The following FRA10AC1 variants were observed in gnomAD, a reference collection of about 807,000 sequenced individuals.
FRA10AC1 encodes protein FRA10AC1.
Under a neutral mutation model 56.5 loss-of-function variants are expected in FRA10AC1, and 43 were observed. The observed-to-expected ratio is 0.76, with a 90% CI of 0.60 to 0.98. FRA10AC1 has a LOEUF of 0.98. Ranked by LOEUF, FRA10AC1 falls within the 50% of genes least tolerant of loss-of-function variation. The pLI, the probability that FRA10AC1 is intolerant of heterozygous loss-of-function variation, is 0.00. For synonymous variants in FRA10AC1, 112 were observed against 110.5 expected, an observed-to-expected ratio of 1.01 and a Z score of -0.09; for missense variants, 346 against 351.8, an observed-to-expected ratio of 0.98 and a Z score of 0.13.
intron 4 of FRA10AC1, among the ~76,000 whole-genome samples, chr10:93,695,557 C>G (rs1204396776): frequency 1.3e-5 from 2 of 151,914 alleles, no homozygotes; most frequent in Non-Finnish European, 2.9e-5. Context: ...TTTTAAAAAG[C>G]TCAACAGCAC....
At chr10:93,680,512 T>C (rs1291371208) in intron 11 of FRA10AC1, among the ~76,000 whole-genome samples, 2 of 152,176 alleles carry the variant, frequency 1.3e-5, no homozygotes, top group African/African-American at 4.8e-5. Context: ...AGATTTAAAC[T>C]CTGCTACATA....
chr10:93,695,089 C>T (rs938294770), intron 4 of FRA10AC1, 152 bp from the exon 5 acceptor site: 1 of 535,476 alleles, frequency 1.9e-6, no homozygotes, highest in Non-Finnish European at 3.3e-6. Context: ...TTCAGAAAAT[C>T]TAGAAGGGTA....
upstream of FRA10AC1, chr10:93,702,683 G>C (rs2059365248): frequency 1.7e-5 from 4 of 229,958 alleles, no homozygotes; most frequent in South Asian, 1.9e-4. Flanking sequence ...CGGGAAACAA[G>C]GGCAGCGGGA....
chr10:93,701,647 T>C (rs1189480155), intron 1 of FRA10AC1, among the ~76,000 whole-genome samples: 1 of 152,082 alleles, frequency 6.6e-6, no homozygotes, highest in Non-Finnish European at 1.5e-5. Context: ...AACTCTACCC[T>C]CCCTTACATC....
At chr10:93,691,123 T>C (rs529756400) in intron 7 of FRA10AC1, among the ~76,000 whole-genome samples, 1 of 152,188 alleles carries the variant, frequency 6.6e-6, no homozygotes, top group African/African-American at 2.4e-5. Context: ...CATTTCTAAC[T>C]GAGATCTGCT....
intron 8 of FRA10AC1, among the ~76,000 whole-genome samples, chr10:93,687,192 G>A (rs1484247205): frequency 6.6e-6 from 1 of 151,740 alleles, no homozygotes; most frequent in Admixed American, 6.6e-5. Flanking sequence ...ACATTCAACT[G>A]AATGTTCTAA....
chr10:93,690,690 T>C (rs144404523), intron 7 of FRA10AC1, among the ~76,000 whole-genome samples: 1 of 152,312 alleles, frequency 6.6e-6, no homozygotes, highest in Admixed American at 6.5e-5. Context: ...CTTTGTTACA[T>C]GCTCCTAGAA....
At chr10:93,680,421 T>A (rs1269776973) in intron 11 of FRA10AC1, among the ~76,000 whole-genome samples, 1 of 152,168 alleles carries the variant, frequency 6.6e-6, no homozygotes, top group East Asian at 1.9e-4. Context: ...CCTCTCACCA[T>A]CTATCAATTT....
At position 93,702,560 on chromosome 10, in the gene FRA10AC1, T is replaced by G. The variant is rs2059362670; in HGVS notation, c.-186A>C. 4 of 209,804 alleles carry G rather than the reference T, an allele frequency of 1.9e-5. 1 individual carries two copies. The highest frequency in any genetic ancestry group is 1.9e-5 in the Non-Finnish European group (2 of 107,912). 13.0% of individuals were successfully genotyped at this position (209,804 alleles called of 1,614,324 possible). ...CCGCCGCCGCCGCCCGCAACCCGCC[T>G]CTCCCTACGGGTCCCGACTGGGCAC... is the stretch of plus-strand genomic sequence containing the variant. On this transcript the variant is annotated 5_prime_UTR_variant, in exon 1 of 14. Transcript: ENST00000359204.
chr10:93,685,783 A>G (rs553432703), intron 8 of FRA10AC1, among the ~76,000 whole-genome samples: 8 of 151,990 alleles, frequency 5.3e-5, no homozygotes, highest in Middle Eastern at 6.8e-3. Flanking sequence ...TAGCTGGGTG[A>G]AACCTTTCAA....
At position 93,687,537 on chromosome 10, in the gene FRA10AC1, C is replaced by A. The variant is rs1718159448; in HGVS notation, c.466-88G>T. 4 of 1,210,676 alleles carry A rather than the reference C, an allele frequency of 3.3e-6. No individual in the cohort carries two copies. In the Admixed American group the frequency reaches 1.2e-4, roughly 38 times the overall value. The allele number at this position is 1,210,676 out of a possible 1,614,324, so 75.0% of individuals were successfully genotyped here. A position where few individuals can be genotyped will look rare whatever the true frequency, so the allele number is the denominator to read the frequency against. On this transcript the variant is annotated intron_variant, in intron 7 of 13. Coordinates refer to ENST00000359204, the MANE Select transcript of FRA10AC1 (RefSeq NM_145246.5). ...GGAGCCAACAATGACATTCACCAAC[C>A]TAAAAAATAAATGTAATTCCCATCA...
At chr10:93,675,661 C>T (rs755960191) in intron 12 of FRA10AC1, 11 of 371,376 alleles carry the variant, frequency 3.0e-5, no homozygotes, top group Admixed American at 5.3e-5. Context: ...GCTGAGATCG[C>T]GCCACTGCAC....
intron 4 of FRA10AC1, 48 bp from the exon 5 acceptor site, chr10:93,694,985 T>C (rs1205530641): frequency 7.2e-6 from 7 of 971,936 alleles, no homozygotes; most frequent in Non-Finnish European, 1.1e-5. Context: ...AGCTGTTTGG[T>C]GTCATAATAT....
intron 12 of FRA10AC1, among the ~76,000 whole-genome samples, chr10:93,675,879 G>A (rs369380580): frequency 6.6e-6 from 1 of 152,116 alleles, no homozygotes; most frequent in Non-Finnish European, 1.5e-5. Flanking sequence ...TTACTGTTTA[G>A]ATTCAAAGCT....
chr10:93,698,224 T>G, intron 3 of FRA10AC1, 43 bp from the exon 4 acceptor site: 1 of 1,516,708 alleles, frequency 6.6e-7, no homozygotes, highest in Non-Finnish European at 9.1e-7. Context: ...AATGTTTATA[T>G]TCAAATTAAC....
intron 8 of FRA10AC1, 154 bp from the exon 9 acceptor site, chr10:93,685,513 A>C (rs2059011646): frequency 6.2e-6 from 3 of 484,572 alleles, no homozygotes; most frequent in Non-Finnish European, 1.1e-5. Flanking sequence ...ACCAACTTGT[A>C]TACAAGTATC....
rs60832838 is a variant in FRA10AC1, at chr10:93,702,522, A to ACCACCACCACCGCCGCCG, written c.-149_-148insCGGCGGCGGTGGTGGTGG. 3.7e-5 allele frequency: 8 copies of ACCACCACCACCGCCGCCG among 215,918 alleles called. No individual in the cohort carries two copies. Among genetic ancestry groups the ACCACCACCACCGCCGCCG allele is most frequent in the Admixed American group, 5.9e-5 (1 of 16,958 alleles). 13.4% of individuals were successfully genotyped at this position (215,918 alleles called of 1,614,324 possible). A position where few individuals can be genotyped will look rare whatever the true frequency, so the allele number is the denominator to read the frequency against. ...GCCGCACAGCCTCGCCACAACCACC[A>ACCACCACCACCGCCGCCG]CCGCCGCCGCCGCCGCCGCCGCCGC... On this transcript the variant is annotated 5_prime_UTR_variant, in exon 1 of 14. Transcript: ENST00000359204.
chr10:93,675,207 A>G (rs899448862), intron 12 of FRA10AC1: 4 of 152,166 alleles, frequency 2.6e-5, no homozygotes, highest in African/African-American at 9.7e-5. Context: ...TAAACAACAA[A>G]TATCTTAACA....
intron 7 of FRA10AC1, among the ~76,000 whole-genome samples, chr10:93,689,383 A>T (rs1257187158): frequency 6.6e-6 from 1 of 152,176 alleles, no homozygotes; most frequent in African/African-American, 2.4e-5. Flanking sequence ...ACAAAAATAA[A>T]ATCCTCCAAA....
Sources: gnomAD v4.1 joint callset for allele counts (sites outside exome capture counted in the v4.1 genomes callset) on GRCh38, gnomAD v4.1.1 for gene constraint, MANE v1.5 for transcripts, NCBI Gene and HGNC (gene_info 2026-07-23, HGNC 2026-07-21) for gene names.